Variants in CPNE3 observed in about 807,000 individuals in gnomAD.
CPNE3 encodes the protein copine-3.
Under a neutral mutation model 63.9 loss-of-function variants are expected in CPNE3, and 68 were observed. The ratio of observed to expected loss-of-function variants is 1.06; its 90% CI spans 0.87 to 1.30. CPNE3 has a LOEUF of 1.30. Ranked by LOEUF, CPNE3 falls within the 50% of genes most tolerant of loss-of-function variation. The pLI is 0.00. For synonymous variants in CPNE3, 219 were observed against 197.5 expected, an observed-to-expected ratio of 1.11 and a Z score of -0.91; for missense variants, 665 against 578.1, an observed-to-expected ratio of 1.15 and a Z score of -1.54.
intron 2 of CPNE3, among the ~76,000 whole-genome samples, chr8:86,525,776 C>T (rs755976940): frequency 6.6e-6 from 1 of 152,154 alleles, no homozygotes; most frequent in African/African-American, 2.4e-5. Flanking sequence ...GAATCCTCTA[C>T]ATGTTTTTTT....
chr8:86,518,358 T>A (rs1217295269), intron 2 of CPNE3, among the ~76,000 whole-genome samples: 1 of 152,178 alleles, frequency 6.6e-6, no homozygotes, highest in Non-Finnish European at 1.5e-5. Flanking sequence ...CCCAGGAGAC[T>A]TCAGTCTTCA....
chr8:86,521,566 GTTTA>G (rs545837722), intron 2 of CPNE3: 66 of 152,126 alleles, frequency 4.3e-4, no homozygotes, highest in African/African-American at 1.5e-3. Context: ...CATCTATGGA[GTTTA>G]TTTATTTTTA....
In CPNE3 at chr8:86,550,358, C is replaced by T. The variant is rs1424242482; in HGVS notation, c.1014-688C>T. Among the ~76,000 whole-genome samples, 3 of 152,260 alleles carry T rather than the reference C, an allele frequency of 2.0e-5. No individual in the cohort carries two copies. The East Asian group carries it at 5.8e-4, about 29-fold the overall frequency. ...CCACTTCCTGGACCCAAGCAATCCT[C>T]CCACCTCAGCCTGGGGGAAATATTT... On this transcript the variant is annotated intron_variant, in intron 12 of 16. Coordinates refer to ENST00000517490, the MANE Select transcript of CPNE3 (RefSeq NM_003909.5).
At chr8:86,520,629 A>G (rs1057272357) in intron 2 of CPNE3, among the ~76,000 whole-genome samples, 14 of 150,344 alleles carry the variant, frequency 9.3e-5, no homozygotes, top group Non-Finnish European at 1.9e-4. Context: ...AATGCCTGCC[A>G]TTGTGGTGTG....
At chr8:86,544,895 T>G (rs1821014921) in intron 9 of CPNE3, 57 bp downstream of exon 9, 1 of 1,058,660 alleles carries the variant, frequency 9.4e-7, no homozygotes, top group Admixed American at 2.3e-5. Flanking sequence ...TATTTATTAC[T>G]GTATTTCATT....
chr8:86,532,139 A>G (rs1820697081), intron 5 of CPNE3, among the ~76,000 whole-genome samples: 1 of 152,210 alleles, frequency 6.6e-6, no homozygotes, highest in South Asian at 2.1e-4. Context: ...ATATCAATGT[A>G]TAGAGTATTC....
At position 86,535,320 on chromosome 8, in the gene CPNE3, C is replaced by CTT. The variant is rs59696136; in HGVS notation, c.460-2230_460-2229dup. Reference sequence around the variant, plus strand: ...TTTCAGTGGACAGATACAGAAAAGACTTTTTTTTTTTTTTAAGAAAAACTA... The same window carrying CTT: ...TTTCAGTGGACAGATACAGAAAAGACTTTTTTTTTTTTTTTTAAGAAAAACTA... On this transcript the variant is annotated intron_variant, in intron 6 of 16. Transcript: ENST00000517490. 3.0e-3 allele frequency among the ~76,000 whole-genome samples: 434 copies of CTT among 142,782 alleles called. 2 individuals carry two copies. Among genetic ancestry groups the CTT allele is most frequent in the Middle Eastern group, 7.1e-3 (2 of 280 alleles). The allele number at this position is 142,782 out of a possible 152,430, so 93.7% of individuals were successfully genotyped here.
rs1821378545 is a variant in CPNE3 at position 86,558,860 on chromosome 8, A to G, written c.*450A>G. Reference sequence around the variant, plus strand: ...TTATGAGAGCTTCTTAAATTATATGATATCAAATTTGTTCCTGTAACTCTG... The same window carrying G: ...TTATGAGAGCTTCTTAAATTATATGGTATCAAATTTGTTCCTGTAACTCTG... On this transcript the variant is annotated 3_prime_UTR_variant, in exon 17 of 17. Transcript: ENST00000517490. 6.1e-6 allele frequency: 1 copy of G among 162,782 alleles called. No homozygotes were observed. The highest frequency in any genetic ancestry group is 2.4e-5 in the African/African-American group (1 of 41,682). 10.1% of individuals were successfully genotyped at this position (162,782 alleles called of 1,614,324 possible).
intron 12 of CPNE3, among the ~76,000 whole-genome samples, chr8:86,548,962 G>A (rs564651934): frequency 1.9e-3 from 293 of 152,236 alleles, no homozygotes; most frequent in Non-Finnish European, 3.9e-3. Flanking sequence ...AACAAGTGCT[G>A]AAGGATAACT....
chr8:86,539,592 T>C (rs1274215397), intron 7 of CPNE3, among the ~76,000 whole-genome samples: 3 of 152,062 alleles, frequency 2.0e-5, no homozygotes, highest in African/African-American at 7.2e-5. Flanking sequence ...CTTTTCTTAT[T>C]TCATATTTGA....
At position 86,546,624 on chromosome 8, in the gene CPNE3, A is replaced by C; in HGVS notation, c.762A>C (p.Lys254Asn). 3 of 1,613,810 alleles carry C rather than the reference A, an allele frequency of 1.9e-6. No homozygotes were observed. The highest frequency in any genetic ancestry group is 8.5e-7 in the Non-Finnish European group (1 of 1,179,912). The change falls in exon 10 of 17, where the codon AAA becomes AAC. Residue 254 changes from lysine (K) to asparagine (N), a missense_variant. Transcript: ENST00000517490. ...PVEFECINEK[K>N]RQKKKSYKNS... The stretch of plus-strand genomic sequence containing the variant: ...AATTTGAATGCATAAATGAGAAAAA[A>C]AGGCAAAAGAAAAAAAGCTACAAGA...
intron 16 of CPNE3, among the ~76,000 whole-genome samples, chr8:86,557,244 A>T (rs1821344652): frequency 6.6e-6 from 1 of 152,028 alleles, no homozygotes; most frequent in Non-Finnish European, 1.5e-5. Flanking sequence ...AGTGATTCTC[A>T]TGCCTCAGCC....
Position 86,546,477 on chromosome 8 carries a change from C to A in CPNE3, c.733-118C>A, listed in dbSNP as rs1226459745. On this transcript the variant is annotated intron_variant, in intron 9 of 16. Transcript: ENST00000517490. ...ATTGTTTCAGAGTTATATTTTGCAA[C>A]AGACCTACATCAGTAGGTAGTTTGA... 3 of 935,564 alleles carry A rather than the reference C, an allele frequency of 3.2e-6. No homozygotes were observed. The African/African-American group carries it at 5.2e-5, about 16-fold the overall frequency. The allele number at this position is 935,564 out of a possible 1,614,324, so 58.0% of individuals were successfully genotyped here.
rs201375412 is a variant in CPNE3, at chr8:86,548,435, G to A, written c.1013+1G>A. On this transcript the variant is annotated splice_donor_variant, in intron 12 of 16. Coordinates refer to ENST00000517490, the MANE Select transcript of CPNE3 (RefSeq NM_003909.5). LOFTEE classifies it high-confidence loss of function. ...GACTGGTCATTCAAGATTATGATGC[G>A]TGAGTATGACTTTGGAAAAACTAAA... The A allele has an allele frequency of 9.2e-5, 148 of 1,613,544 alleles. 1 individual carries two copies. The East Asian group carries it at 1.2e-3, about 13-fold the overall frequency.
chr8:86,527,785 G>A (rs749698289), intron 2 of CPNE3, among the ~76,000 whole-genome samples: 2 of 151,720 alleles, frequency 1.3e-5, no homozygotes, highest in Non-Finnish European at 2.9e-5. Context: ...AAAAAATCTT[G>A]AAAACAGAAA....
Position 86,540,286 on chromosome 8 carries a change from G to C in CPNE3, c.585G>C (p.Lys195Asn), listed in dbSNP as rs1285544281. 1 of 1,609,544 alleles carries C rather than the reference G, an allele frequency of 6.2e-7. No homozygotes were observed. The highest frequency in any genetic ancestry group is 1.1e-5 in the South Asian group (1 of 90,630). The stretch of plus-strand genomic sequence containing the variant: ...TGAATCCTGTTTGGAGGCCTTTCAA[G>C]ATCTCTCTTAACTCACTGTGTTACG... ...NNLNPVWRPFKISLNSLCYGD... is the reference protein window; with the variant it reads ...NNLNPVWRPFNISLNSLCYGD... The change falls in exon 8 of 17, where the codon AAG becomes AAC. Residue 195 changes from lysine (K) to asparagine (N), a missense_variant. Coordinates refer to ENST00000517490, the MANE Select transcript of CPNE3 (RefSeq NM_003909.5).
chr8:86,531,100 TA>T, intron 4 of CPNE3, 54 bp from the exon 5 acceptor site: 1 of 835,034 alleles, frequency 1.2e-6, no homozygotes, highest in African/African-American at 1.7e-5. Context: ...CTATTTCATT[TA>T]AAAATTCTTA....
chr8:86,551,892 C>G (rs1180405038), intron 14 of CPNE3, among the ~76,000 whole-genome samples: 2 of 152,248 alleles, frequency 1.3e-5, no homozygotes, highest in African/African-American at 4.8e-5. Context: ...CTCTTGACCT[C>G]AAGCTATCTT....
At position 86,528,952 on chromosome 8, in the gene CPNE3, G is replaced by A. The variant is rs376221396; in HGVS notation, c.140G>A (p.Arg47His). Residue 47 changes from arginine to histidine, a missense_variant, in exon 4 of 17, where the codon CGC becomes CAC. Physicochemically the swap from Arg to His is conservative, Grantham distance 29. Transcript: ENST00000517490. ...TTTTGCGGATGGGTGTAGGTTGAGCGCACAGAAAGGATTAAGAATTGCTTG... is the reference window on the plus strand; with the variant it reads ...TTTTGCGGATGGGTGTAGGTTGAGCACACAGAAAGGATTAAGAATTGCTTG... ...TSGQQWYEVERTERIKNCLNP... is the reference protein window; with the variant it reads ...TSGQQWYEVEHTERIKNCLNP... 28 of 1,611,724 alleles carry A rather than the reference G, an allele frequency of 1.7e-5. No individual in the cohort carries two copies. Among genetic ancestry groups the A allele is most frequent in the Middle Eastern group, 1.6e-4 (1 of 6,066 alleles).
Sources: allele counts gnomAD v4.1 joint callset (sites outside exome capture counted in the v4.1 genomes callset), GRCh38; gene constraint gnomAD v4.1.1; transcripts MANE v1.5; gene names NCBI Gene and HGNC (gene_info 2026-07-23, HGNC 2026-07-21).